The following KNL1 variants were observed in gnomAD, a reference collection of about 807,000 sequenced individuals.
KNL1 encodes kinetochore scaffold 1, also known as outer kinetochore KNL1 complex subunit KNL1.
A neutral mutation model predicts 201.3 loss-of-function variants in KNL1; 66 were observed. The observed-to-expected ratio is 0.33, with a 90% CI of 0.27 to 0.40. The LOEUF (loss-of-function observed/expected upper bound fraction) is 0.40. Among genes scored for constraint, KNL1 ranks in the 10% least tolerant of loss-of-function variants. KNL1 has a pLI of 1.00. For missense variants in KNL1, 2,815 were observed against 2,690.5 expected (o/e 1.05, Z -1.02); for synonymous variants, 895 against 899.2 (o/e 1.00, Z 0.08).
rs1317918058 is a variant in KNL1, at chr15:40,620,751, A to C, written c.487A>C (p.Lys163Gln). Residue 163 changes from lysine to glutamine, a missense_variant, in exon 10 of 26, where the codon AAA (lysine) becomes CAA (glutamine). Lys to Gln is a moderately conservative substitution (Grantham distance 53). This residue lies in a region of KNL1 where 2,464 missense variants were observed against 2,291.7 expected (regional missense o/e 1.08). Transcript: ENST00000399668. ...LTSSHTVMITKGLLDNPISEK... is the reference protein window; with the variant it reads ...LTSSHTVMITQGLLDNPISEK... ...ATCAAGTCACACTGTAATGATTACC[A>C]AAGGCCTTTTAGATAATCCCATAAG... 6.2e-7 allele frequency: 1 copy of C among 1,612,942 alleles called. No individual in the cohort carries two copies. The highest frequency in any genetic ancestry group is 8.5e-7 in the Non-Finnish European group (1 of 1,179,358).
At chr15:40,605,226 T>C (rs892140185) in intron 3 of KNL1, 77 bp downstream of exon 3, 7 of 820,338 alleles carry the variant, frequency 8.5e-6, no homozygotes, top group Admixed American at 5.6e-5. Flanking sequence ...GTTTTGACTG[T>C]GGCTTCACCA....
At chr15:40,661,574 G>A (rs1346271312) in intron 25 of KNL1, among the ~76,000 whole-genome samples, 2 of 152,128 alleles carry the variant, frequency 1.3e-5, no homozygotes, top group Admixed American at 6.6e-5. Context: ...AAGTAGCTAG[G>A]TTAAGATACT....
rs545462475 is a variant in KNL1 at position 40,621,309 on chromosome 15, G to A, written c.1045G>A (p.Val349Ile). The change falls in exon 10 of 26, where the codon GTA (valine) becomes ATA (isoleucine). Residue 349 changes from valine (V) to isoleucine (I), a missense_variant. Coordinates refer to ENST00000399668, the MANE Select transcript of KNL1 (RefSeq NM_144508.5). ...IENQTQNAMD[V>I]TTGYGTKASG... ...AAATCAAACTCAGAATGCCATGGAT[G>A]TAACAACAGGTTATGGAACTAAAGC... is the stretch of plus-strand genomic sequence containing the variant. The A allele has an allele frequency of 1.5e-5, 24 of 1,613,874 alleles. No homozygotes were observed. The African/African-American group carries it at 3.2e-4, about 22-fold the overall frequency.
rs890895473 is a variant in KNL1 at position 40,621,344 on chromosome 15, T to C, written c.1080T>C (p.Asn360=). The C allele has an allele frequency of 6.2e-7, 1 of 1,612,558 alleles. No individual in the cohort carries two copies. Among genetic ancestry groups the C allele is most frequent in the Non-Finnish European group, 8.5e-7 (1 of 1,179,252 alleles). The change falls in exon 10 of 26, where the codon AAT becomes AAC. Residue 360 remains asparagine, a synonymous_variant. Coordinates refer to ENST00000399668, the MANE Select transcript of KNL1 (RefSeq NM_144508.5). ...TTGYGTKASG[N]KTVFKSKQNT... ...GTTATGGAACTAAAGCTTCAGGAAA[T>C]AAAACAGTTTTTAAGAGTAAACAAA...
intron 8 of KNL1, among the ~76,000 whole-genome samples, chr15:40,618,472 C>A (rs533247090): frequency 6.6e-6 from 1 of 151,966 alleles, no homozygotes; most frequent in Non-Finnish European, 1.5e-5. Context: ...ATTTGATACT[C>A]TTCTCCATGG....
intron 13 of KNL1, among the ~76,000 whole-genome samples, chr15:40,636,250 A>G (rs1202070756): frequency 1.3e-5 from 2 of 152,198 alleles, no homozygotes; most frequent in African/African-American, 2.4e-5. Flanking sequence ...GGGTGGCTTT[A>G]CACATGGTGC....
intron 1 of KNL1, among the ~76,000 whole-genome samples, chr15:40,598,056 G>T (rs1170207656): frequency 6.6e-6 from 1 of 151,938 alleles, no homozygotes; most frequent in East Asian, 1.9e-4. Flanking sequence ...TGGAATCCCA[G>T]CTACTCTGGC....
chr15:40,600,020 T>C (rs1204708936), intron 1 of KNL1, among the ~76,000 whole-genome samples: 1 of 151,758 alleles, frequency 6.6e-6, no homozygotes, highest in African/African-American at 2.4e-5. Context: ...GACCGTGATA[T>C]ATTATCCTTC....
At chr15:40,597,686 A>G (rs1331519291) in intron 1 of KNL1, among the ~76,000 whole-genome samples, 1 of 152,158 alleles carries the variant, frequency 6.6e-6, no homozygotes, top group Non-Finnish European at 1.5e-5. Context: ...TGAAAGTGGA[A>G]CTTAACAGTT....
At chr15:40,642,994 T>C (rs1173152722) in intron 14 of KNL1, 1 of 152,174 alleles carries the variant, frequency 6.6e-6, no homozygotes, top group Non-Finnish European at 1.5e-5. Flanking sequence ...TGTGCTTTAC[T>C]GTTTGATTTT....
chr15:40,613,290 T>C (rs1892232636), intron 7 of KNL1, among the ~76,000 whole-genome samples: 1 of 152,166 alleles, frequency 6.6e-6, no homozygotes, highest in Non-Finnish European at 1.5e-5. Context: ...TGTGTACATG[T>C]ATAATGTATG....
chr15:40,610,122 T>G (rs993871833), intron 5 of KNL1, 123 bp from the exon 6 acceptor site: 1 of 597,058 alleles, frequency 1.7e-6, no homozygotes, highest in Admixed American at 2.8e-5. Flanking sequence ...GTATATGGCA[T>G]AGCAAAGAGG....
intron 21 of KNL1, among the ~76,000 whole-genome samples, chr15:40,653,864 C>T (rs111776248): frequency 2.6e-4 from 34 of 131,498 alleles, no homozygotes; most frequent in African/African-American, 5.8e-4. Context: ...TTCTTATGCC[C>T]GAACGCTGTT....
chr15:40,659,333 T>C lies in KNL1; in HGVS notation c.6714-6T>C, dbSNP rs1049210101. 2.5e-6 allele frequency: 4 copies of C among 1,608,700 alleles called. No homozygotes were observed. The highest frequency in any genetic ancestry group is 1.7e-5 in the Admixed American group (1 of 59,024). ...CATTTTTAATTGTGGATCTTGTCTTTTACAGATTGAGACTTTTATTCTCTA... is the reference window on the plus strand; with the variant it reads ...CATTTTTAATTGTGGATCTTGTCTTCTACAGATTGAGACTTTTATTCTCTA... On this transcript the variant is annotated splice_region_variant and splice_polypyrimidine_tract_variant and intron_variant, in intron 24 of 25. Transcript: ENST00000399668.
intron 1 of KNL1, among the ~76,000 whole-genome samples, chr15:40,599,410 G>A (rs936798074): frequency 1.3e-5 from 2 of 150,756 alleles, no homozygotes; most frequent in African/African-American, 4.9e-5. Flanking sequence ...CCGAGACAGG[G>A]TCTTTCTCTG....
At chr15:40,630,540 C>A (rs911919980) in intron 13 of KNL1, among the ~76,000 whole-genome samples, 3 of 152,196 alleles carry the variant, frequency 2.0e-5, no homozygotes, top group Admixed American at 1.3e-4. Context: ...TCTGTATTTA[C>A]AGCCACTTCC....
chr15:40,606,054 A>G (rs1019850577), intron 3 of KNL1, among the ~76,000 whole-genome samples: 1 of 152,198 alleles, frequency 6.6e-6, no homozygotes, highest in Non-Finnish European at 1.5e-5. Flanking sequence ...TTATCCTGAT[A>G]TGGGTCAAGT....
At chr15:40,628,927 G>A (rs1490299845) in intron 12 of KNL1, among the ~76,000 whole-genome samples, 2 of 152,062 alleles carry the variant, frequency 1.3e-5, no homozygotes, top group Non-Finnish European at 2.9e-5. Flanking sequence ...TCAGCAACAT[G>A]GTGCCTGAGG....
intron 14 of KNL1, among the ~76,000 whole-genome samples, chr15:40,642,764 A>T (rs1348564099): frequency 6.6e-6 from 1 of 152,084 alleles, no homozygotes; most frequent in African/African-American, 2.4e-5. Context: ...GGTAGCTGGG[A>T]TTACAGGTGC....
Sources: gnomAD v4.1 joint callset for allele counts (sites outside exome capture counted in the v4.1 genomes callset) on GRCh38, gnomAD v4.1.1 for gene constraint, gnomAD v4.1.1 regional missense constraint, MANE v1.5 for transcripts, NCBI Gene and HGNC (gene_info 2026-07-23, HGNC 2026-07-21) for gene names.